The following FAM135A variants were observed in gnomAD, a reference collection of about 807,000 sequenced individuals.
The protein encoded by FAM135A is protein FAM135A.
A neutral mutation model predicts 146.8 loss-of-function variants in FAM135A; 79 were observed. That is an observed-to-expected ratio of 0.54 (90% CI 0.45 to 0.65). The LOEUF is 0.65. FAM135A is among the 30% of genes least tolerant of loss of function. The pLI, the probability that FAM135A is intolerant of heterozygous loss-of-function variation, is 0.00. For missense variants in FAM135A, 1,623 were observed against 1,758.2 expected, an observed-to-expected ratio of 0.92 and a Z score of 1.38; for synonymous variants, 562 against 603.6, an observed-to-expected ratio of 0.93 and a Z score of 1.01.
At chr6:70,439,208 A>G (rs138945417) in intron 4 of FAM135A, among the ~76,000 whole-genome samples, 109 of 152,308 alleles carry the variant, frequency 7.2e-4, no homozygotes, top group African/African-American at 2.5e-3. Context: ...GGTGGGAGAC[A>G]TGGACCCAGA....
intron 5 of FAM135A, among the ~76,000 whole-genome samples, chr6:70,463,672 A>C (rs9294873): frequency 0.021 from 3,232 of 152,300 alleles, 107 homozygotes; most frequent in African/African-American, 0.074. Flanking sequence ...CTTTAAAAAA[A>C]AATGAGGAAA....
intron 5 of FAM135A, among the ~76,000 whole-genome samples, chr6:70,453,939 C>T (rs890206104): frequency 3.3e-5 from 5 of 152,104 alleles, no homozygotes; most frequent in African/African-American, 9.7e-5. Context: ...GTAATGAGAT[C>T]GCTGGGTCAA....
intron 5 of FAM135A, among the ~76,000 whole-genome samples, chr6:70,465,381 TACC>T (rs1358419895): frequency 1.3e-5 from 2 of 152,186 alleles, no homozygotes; most frequent in Admixed American, 6.5e-5. Flanking sequence ...TCTGGATAAA[TACC>T]TAGAAGTGAG....
intron 18 of FAM135A, among the ~76,000 whole-genome samples, chr6:70,534,107 A>C (rs1209153274): frequency 6.6e-6 from 1 of 152,014 alleles, no homozygotes; most frequent in Non-Finnish European, 1.5e-5. Flanking sequence ...GGATAACTAC[A>C]GGATATAGGA....
chr6:70,428,706 A>T (rs1223099138), intron 4 of FAM135A, among the ~76,000 whole-genome samples: 3 of 152,178 alleles, frequency 2.0e-5, no homozygotes, highest in Non-Finnish European at 2.9e-5. Flanking sequence ...TTAAAATCTT[A>T]TAGTATAATG....
chr6:70,426,353 A>G (rs1365005689), intron 2 of FAM135A, 86 bp from the exon 3 acceptor site: 1 of 152,192 alleles, frequency 6.6e-6, no homozygotes. Flanking sequence ...TGAAAATAGT[A>G]AGTAACTAAC....
chr6:70,457,886 G>T (rs895669425), intron 5 of FAM135A, among the ~76,000 whole-genome samples: 2 of 151,792 alleles, frequency 1.3e-5, no homozygotes, highest in East Asian at 3.9e-4. Context: ...TTTTTTCTTA[G>T]TTATGTCTAG....
chr6:70,470,871 T>TA, intron 5 of FAM135A, among the ~76,000 whole-genome samples: 1 of 152,238 alleles, frequency 6.6e-6, no homozygotes, highest in Non-Finnish European at 1.5e-5. Context: ...GGAGTTTGTC[T>TA]AGGTGCATCT....
At chr6:70,505,711 C>T (rs943450666) in intron 12 of FAM135A, among the ~76,000 whole-genome samples, 24 of 151,424 alleles carry the variant, frequency 1.6e-4, no homozygotes, top group Admixed American at 5.9e-4. Context: ...GTTGTTTGTG[C>T]CTTCACTCTT....
intron 10 of FAM135A, among the ~76,000 whole-genome samples, chr6:70,482,842 T>G (rs1783979337): frequency 6.6e-6 from 1 of 152,144 alleles, no homozygotes; most frequent in Admixed American, 6.5e-5. Context: ...TTCAGACTTT[T>G]TATGTCAGTT....
At chr6:70,448,054 G>A (rs1776217961) in intron 4 of FAM135A, among the ~76,000 whole-genome samples, 2 of 152,142 alleles carry the variant, frequency 1.3e-5, no homozygotes, top group Non-Finnish European at 2.9e-5. Flanking sequence ...ACAGGGAACT[G>A]CCAAGCCTCT....
chr6:70,502,963 A>T, intron 12 of FAM135A, 172 bp downstream of exon 12: 1 of 621,866 alleles, frequency 1.6e-6, no homozygotes. Flanking sequence ...AGAACAATAC[A>T]GTTAAGCATA....
chr6:70,560,741 A>G lies in FAM135A; in HGVS notation c.*820A>G, dbSNP rs1320490267. 1 of 152,558 alleles carries G rather than the reference A, an allele frequency of 6.6e-6. No individual in the cohort carries two copies. The highest frequency in any genetic ancestry group is 2.4e-5 in the African/African-American group (1 of 41,454). The allele number at this position is 152,558 out of a possible 1,614,324, so 9.5% of individuals were successfully genotyped here. On this transcript the variant is annotated 3_prime_UTR_variant, in exon 22 of 22. Transcript: ENST00000418814. The stretch of plus-strand genomic sequence containing the variant: ...TAACTTTTTTCATGGACTTCCTTAT[A>G]TGTACATAATAATTAAATGTTGAAA...
intron 20 of FAM135A, among the ~76,000 whole-genome samples, chr6:70,552,789 T>C (rs1420234471): frequency 6.6e-6 from 1 of 151,640 alleles, no homozygotes; most frequent in Non-Finnish European, 1.5e-5. Context: ...GTTCTAAAAA[T>C]AAAAAAGGGT....
chr6:70,537,880 A>G (rs1419305806), intron 19 of FAM135A, among the ~76,000 whole-genome samples: 3 of 152,362 alleles, frequency 2.0e-5, no homozygotes, highest in South Asian at 2.1e-4. Context: ...TTAGTCTATT[A>G]TGTCATAACT....
rs1387213735 is a variant in FAM135A at position 70,526,596 on chromosome 6, A to G, written c.3512A>G (p.Lys1171Arg). The change falls in exon 15 of 22, where the codon AAA (lysine) becomes AGA (arginine). Residue 1171 changes from lysine to arginine, a missense_variant. Lys to Arg is a conservative substitution (Grantham distance 26). Around this residue, in one of 7 missense-constraint regions of FAM135A, gnomAD observed 1,061 missense variants for 1,113.8 expected, o/e 0.95. Transcript: ENST00000418814. The stretch of plus-strand genomic sequence containing the variant: ...CCTTGTAATGTTAAATATTCTTCCA[A>G]AAGTAAATTTGATGCCATTACAAAG... ...ESPCNVKYSS[K>R]SKFDAITKQP... The G allele has an allele frequency of 3.1e-6, 5 of 1,613,474 alleles. No homozygotes were observed. In the Admixed American group the frequency reaches 8.3e-5, roughly 27 times the overall value.
At chr6:70,440,027 A>T (rs1452304869) in intron 4 of FAM135A, among the ~76,000 whole-genome samples, 1 of 152,238 alleles carries the variant, frequency 6.6e-6, no homozygotes, top group South Asian at 2.1e-4. Flanking sequence ...TAGTGTACAC[A>T]GTCCCTCAGT....
At chr6:70,472,786 G>A (rs1383552686) in intron 5 of FAM135A, among the ~76,000 whole-genome samples, 1 of 152,132 alleles carries the variant, frequency 6.6e-6, no homozygotes, top group Non-Finnish European at 1.5e-5. Context: ...TCTTCAGTTT[G>A]CATGGGTTTA....
chr6:70,424,160 A>AC (rs563713758), intron 2 of FAM135A, among the ~76,000 whole-genome samples: 58 of 152,234 alleles, frequency 3.8e-4, no homozygotes, highest in African/African-American at 1.3e-3. Flanking sequence ...TTTCTTCCTT[A>AC]CATTAACCTC....
Sources: allele counts gnomAD v4.1 joint callset (sites outside exome capture counted in the v4.1 genomes callset), GRCh38; gene constraint gnomAD v4.1.1; regional missense constraint gnomAD v4.1.1; transcripts MANE v1.5; gene names NCBI Gene and HGNC (gene_info 2026-07-23, HGNC 2026-07-21).